UQCC1: variants seen among roughly 807,000 people sequenced by gnomAD.
UQCC1 encodes ubiquinol-cytochrome c reductase complex assembly factor 1, also known as bFGF-repressed Zic-binding protein.
Under a neutral mutation model 48.0 loss-of-function variants are expected in UQCC1, and 38 were observed. The observed-to-expected ratio is 0.79, with a 90% CI of 0.61 to 1.04. The LOEUF is 1.04. Among genes scored for constraint, UQCC1 ranks in the 50% least tolerant of loss-of-function variants. UQCC1 has a pLI of 0.00. For missense variants in UQCC1, 368 were observed against 381.8 expected, an observed-to-expected ratio of 0.96 and a Z score of 0.30; for synonymous variants, 111 against 129.2, an observed-to-expected ratio of 0.86 and a Z score of 0.95.
At chr20:35,389,231 C>A (rs1006321683) in intron 2 of UQCC1, among the ~76,000 whole-genome samples, 1 of 152,058 alleles carries the variant, frequency 6.6e-6, no homozygotes, top group Non-Finnish European at 1.5e-5. Context: ...GAAAGGCGTT[C>A]CCAATAGCCC....
rs1388628458 is a variant in UQCC1 at position 35,384,146 on chromosome 20, AAC to A, written c.130-15_130-14del. 1.2e-6 allele frequency: 2 copies of A among 1,604,204 alleles called. No individual in the cohort carries two copies. The highest frequency in any genetic ancestry group is 1.7e-6 in the Non-Finnish European group (2 of 1,171,470). Reference sequence around the variant, plus strand: ...TCATCTGGGGCCACTGAAGAATAAAAACACAGATCTATGCAACACTGAGCACT... The same window carrying A: ...TCATCTGGGGCCACTGAAGAATAAAAACAGATCTATGCAACACTGAGCACT... On this transcript the variant is annotated splice_polypyrimidine_tract_variant and intron_variant, in intron 2 of 9. Coordinates refer to ENST00000374385, the MANE Select transcript of UQCC1 (RefSeq NM_018244.5).
chr20:35,354,131 T>C (rs546105065), intron 6 of UQCC1, among the ~76,000 whole-genome samples: 13 of 152,298 alleles, frequency 8.5e-5, no homozygotes, highest in African/African-American at 3.1e-4. Flanking sequence ...GTAAGTATAC[T>C]CTATGATGCC....
chr20:35,383,807 C>T (rs1301753075), intron 3 of UQCC1, among the ~76,000 whole-genome samples: 1 of 151,960 alleles, frequency 6.6e-6, no homozygotes. Flanking sequence ...GCTATGAAGG[C>T]ACCACTCTAC....
rs912271181 is a variant in UQCC1 at position 35,303,533 on chromosome 20, C to G, written c.*402G>C. ...CGAGGGACAACGCGTGGTCACCGAC[C>G]GGACTCGGCAGCATTACAATCTGCT... On this transcript the variant is annotated 3_prime_UTR_variant, in exon 10 of 10. Coordinates refer to ENST00000374385, the MANE Select transcript of UQCC1 (RefSeq NM_018244.5). 5.7e-6 allele frequency: 1 copy of G among 176,344 alleles called. No homozygotes were observed. Among genetic ancestry groups the G allele is most frequent in the East Asian group, 1.4e-4 (1 of 7,120 alleles). 10.9% of individuals were successfully genotyped at this position (176,344 alleles called of 1,614,324 possible). A position where few individuals can be genotyped will look rare whatever the true frequency, so the allele number is the denominator to read the frequency against.
chr20:35,343,148 A>G (rs1200186613), intron 7 of UQCC1, among the ~76,000 whole-genome samples: 2 of 152,170 alleles, frequency 1.3e-5, no homozygotes, highest in Admixed American at 1.3e-4. Flanking sequence ...GGTTTTATAA[A>G]TTCTACATTT....
chr20:35,406,714 ATTTT>A (rs2062256123), intron 1 of UQCC1, among the ~76,000 whole-genome samples: 1 of 152,226 alleles, frequency 6.6e-6, no homozygotes, highest in Non-Finnish European at 1.5e-5. Flanking sequence ...GTACAAATGG[ATTTT>A]TTGTTTGTAA....
intron 7 of UQCC1, among the ~76,000 whole-genome samples, chr20:35,321,918 A>G (rs1194637997): frequency 6.6e-6 from 1 of 152,210 alleles, no homozygotes; most frequent in African/African-American, 2.4e-5. Context: ...GAAGAGATGT[A>G]TGTCCTCAGA....
intron 6 of UQCC1, among the ~76,000 whole-genome samples, chr20:35,353,357 C>G (rs1353602287): frequency 1.4e-5 from 2 of 147,362 alleles, no homozygotes; most frequent in South Asian, 2.1e-4. Context: ...GATCATGCCA[C>G]TGTACTCCAG....
intron 7 of UQCC1, among the ~76,000 whole-genome samples, chr20:35,320,359 G>A (rs2061109455): frequency 6.6e-6 from 1 of 152,214 alleles, no homozygotes; most frequent in African/African-American, 2.4e-5. Context: ...CCACTTTAGA[G>A]AAGAGGAATC....
rs2061668307 is a variant in UQCC1, at chr20:35,366,555, A to G, written c.464+2T>C. 1 of 1,613,630 alleles carries G rather than the reference A, an allele frequency of 6.2e-7. No individual in the cohort carries two copies. The highest frequency in any genetic ancestry group is 8.5e-7 in the Non-Finnish European group (1 of 1,179,746). ...GTGACTTCATTTAAATTGCTCACTT[A>G]CCAGACGTGGAGTAGGGTTATAAGA... On this transcript the variant is annotated splice_donor_variant, in intron 6 of 9. Transcript: ENST00000374385. LOFTEE classifies it high-confidence loss of function.
In UQCC1 at chr20:35,338,913, A is replaced by ATG. The variant is rs1183937195; in HGVS notation, c.573+8250_573+8251insCA. Among the ~76,000 whole-genome samples, 453 of 55,606 alleles carry ATG rather than the reference A, an allele frequency of 8.1e-3. 70 individuals are homozygous for ATG. Among genetic ancestry groups the ATG allele is most frequent in the Non-Finnish European group, 9.9e-3 (328 of 33,010 alleles). 36.5% of individuals were successfully genotyped at this position (55,606 alleles called of 152,430 possible). On this transcript the variant is annotated intron_variant, in intron 7 of 9. Coordinates refer to ENST00000374385, the MANE Select transcript of UQCC1 (RefSeq NM_018244.5). Reference sequence around the variant, plus strand: ...AAAAAATATATATATATATATGGAGAGATTTTTCAAAATGCATATACCTGA... The same window carrying ATG: ...AAAAAATATATATATATATATGGAGATGGATTTTTCAAAATGCATATACCTGA...
intron 1 of UQCC1, among the ~76,000 whole-genome samples, chr20:35,411,124 T>C (rs2062356988): frequency 6.6e-6 from 1 of 152,198 alleles, no homozygotes. Flanking sequence ...GCTAAAACTA[T>C]ACACTCTCCC....
chr20:35,379,830 A>T (rs191150731), intron 4 of UQCC1, among the ~76,000 whole-genome samples: 364 of 152,254 alleles, frequency 2.4e-3, no homozygotes, highest in African/African-American at 8.3e-3. Context: ...AAAATTAAAT[A>T]AAATAAAATG....
intron 7 of UQCC1, among the ~76,000 whole-genome samples, chr20:35,320,153 T>G (rs2061106788): frequency 6.6e-6 from 1 of 152,232 alleles, no homozygotes; most frequent in Non-Finnish European, 1.5e-5. Flanking sequence ...CTCCTTATCC[T>G]CTAAGACTTA....
intron 9 of UQCC1, 85 bp downstream of exon 9, chr20:35,306,581 A>G (rs2060930677): frequency 9.6e-7 from 1 of 1,036,828 alleles, no homozygotes; most frequent in Non-Finnish European, 1.5e-6. Context: ...GTCCTTGGTA[A>G]CTCCACCTCT....
At chr20:35,362,650 G>A (rs1164531059) in intron 6 of UQCC1, among the ~76,000 whole-genome samples, 2 of 152,012 alleles carry the variant, frequency 1.3e-5, no homozygotes, top group Non-Finnish European at 2.9e-5. Flanking sequence ...TGAGCCACTG[G>A]GCCCGGCCAA....
At chr20:35,338,882 A>ATATCTATAT (rs1568666102) in intron 7 of UQCC1, among the ~76,000 whole-genome samples, 2 of 60,182 alleles carry the variant, frequency 3.3e-5, no homozygotes, top group African/African-American at 4.3e-4. Context: ...AAAAAAAAAA[A>ATATCTATAT]AAAAAAAAAA....
chr20:35,410,569 G>A (rs1260240777), intron 1 of UQCC1, among the ~76,000 whole-genome samples: 1 of 149,324 alleles, frequency 6.7e-6, no homozygotes, highest in Non-Finnish European at 1.5e-5. Context: ...CAGGTGTGGT[G>A]TGGTGCATGC....
intron 7 of UQCC1, among the ~76,000 whole-genome samples, chr20:35,343,098 CTAAG>C (rs772779250): frequency 3.3e-5 from 5 of 152,310 alleles, no homozygotes; most frequent in Non-Finnish European, 7.3e-5. Flanking sequence ...GCAATCACCT[CTAAG>C]TTTTTGGCAT....
Sources: allele counts gnomAD v4.1 joint callset (sites outside exome capture counted in the v4.1 genomes callset), GRCh38; gene constraint gnomAD v4.1.1; transcripts MANE v1.5; gene names NCBI Gene and HGNC (gene_info 2026-07-23, HGNC 2026-07-21).